The following PEAK1 variants were observed in gnomAD, a reference collection of about 807,000 sequenced individuals.
The protein encoded by PEAK1 is pseudopodium enriched atypical kinase 1.
A neutral mutation model predicts 124.7 loss-of-function variants in PEAK1; 54 were observed. The observed-to-expected ratio is 0.43, with a 90% CI of 0.35 to 0.54. PEAK1 has a LOEUF of 0.54. PEAK1 is among the 20% of genes least tolerant of loss of function. PEAK1 has a pLI of 0.01. For missense variants in PEAK1, 2,046 were observed against 2,134.5 expected (o/e 0.96, Z 0.82); for synonymous variants, 719 against 760.0 (o/e 0.95, Z 0.89).
At position 77,111,385 on chromosome 15, in the gene PEAK1, C is replaced by A. The variant is rs1375325622; in HGVS notation, c.*2771G>T. On this transcript the variant is annotated 3_prime_UTR_variant, in exon 10 of 10. Transcript: ENST00000682557. ...TTTTTTTGGAAAAATATTCTGAAGA[C>A]CAACTCATGTAGTACTTTTTGCCTA... is the stretch of plus-strand genomic sequence containing the variant. 6.6e-6 allele frequency: 1 copy of A among 152,114 alleles called. No individual in the cohort carries two copies. The allele number at this position is 152,114 out of a possible 1,614,324, so 9.4% of individuals were successfully genotyped here.
chr15:77,418,259 T>C, intron 1 of PEAK1: 1 of 985,398 alleles, frequency 1.0e-6, no homozygotes, highest in Non-Finnish European at 1.2e-6. Context: ...ACATAAATTT[T>C]AGCCTCTAAG....
At chr15:77,396,624 T>G (rs950783388) in intron 1 of PEAK1, among the ~76,000 whole-genome samples, 4 of 151,836 alleles carry the variant, frequency 2.6e-5, no homozygotes, top group Admixed American at 2.0e-4. Context: ...AGAGCAGGGG[T>G]AGCTATACTT....
chr15:77,176,331 A>G (rs182422351), intron 7 of PEAK1, among the ~76,000 whole-genome samples: 23 of 152,012 alleles, frequency 1.5e-4, no homozygotes, highest in East Asian at 3.9e-4. Context: ...TCAAAAAAAA[A>G]AGAAAAGTTT....
chr15:77,305,632 T>C (rs951713803), intron 2 of PEAK1, among the ~76,000 whole-genome samples: 3 of 152,006 alleles, frequency 2.0e-5, no homozygotes, highest in African/African-American at 4.8e-5. Flanking sequence ...AGAGAATGAG[T>C]AGGACATGGG....
intron 6 of PEAK1, among the ~76,000 whole-genome samples, chr15:77,219,539 T>C (rs1380522206): frequency 1.3e-5 from 2 of 152,112 alleles, no homozygotes; most frequent in East Asian, 1.9e-4. Flanking sequence ...GATATACCTA[T>C]ATAGGTGCTA....
chr15:77,356,985 G>A (rs1267137415), intron 2 of PEAK1, among the ~76,000 whole-genome samples: 3 of 152,192 alleles, frequency 2.0e-5, no homozygotes, highest in Non-Finnish European at 4.4e-5. Flanking sequence ...GCAAAAAGTA[G>A]GCTAGGTCCA....
intron 2 of PEAK1, among the ~76,000 whole-genome samples, chr15:77,327,442 C>G (rs2065644327): frequency 6.6e-6 from 1 of 152,032 alleles, no homozygotes; most frequent in African/African-American, 2.4e-5. Context: ...CTAATGTATT[C>G]TAAACATCTG....
chr15:77,292,009 T>C (rs952869508), intron 2 of PEAK1, among the ~76,000 whole-genome samples: 2 of 151,836 alleles, frequency 1.3e-5, no homozygotes, highest in African/African-American at 4.8e-5. Context: ...TATATATTTC[T>C]TGTGATCACA....
intron 1 of PEAK1, among the ~76,000 whole-genome samples, chr15:77,396,446 C>T (rs546416243): frequency 1.2e-4 from 18 of 151,838 alleles, no homozygotes; most frequent in Middle Eastern, 3.4e-3. Flanking sequence ...AGTAAATGAA[C>T]GAAACTCTCC....
intron 1 of PEAK1, among the ~76,000 whole-genome samples, chr15:77,405,113 C>G (rs1302754587): frequency 6.6e-6 from 1 of 151,770 alleles, no homozygotes; most frequent in Non-Finnish European, 1.5e-5. Context: ...TCAAGCGATT[C>G]CCCTGCCTCA....
At chr15:77,414,377 T>G (rs2072702333) in intron 1 of PEAK1, among the ~76,000 whole-genome samples, 1 of 150,226 alleles carries the variant, frequency 6.7e-6, no homozygotes, top group Non-Finnish European at 1.5e-5. Flanking sequence ...GCCTAGCTAA[T>G]TTTTTGTATT....
intron 2 of PEAK1, among the ~76,000 whole-genome samples, chr15:77,351,232 T>A (rs991087676): frequency 1.5e-4 from 23 of 152,158 alleles, no homozygotes; most frequent in Admixed American, 5.9e-4. Context: ...AAAGGGTCAG[T>A]ATAAGTTTGT....
At chr15:77,253,249 G>GGA (rs1555457270) in intron 5 of PEAK1, among the ~76,000 whole-genome samples, 7 of 148,342 alleles carry the variant, frequency 4.7e-5, no homozygotes, top group Non-Finnish European at 1.0e-4. Context: ...ATGCGTTGGG[G>GGA]GGGGGGTGGT....
chr15:77,258,208 C>T (rs201732151), intron 5 of PEAK1, among the ~76,000 whole-genome samples: 26 of 152,246 alleles, frequency 1.7e-4, no homozygotes, highest in South Asian at 1.5e-3. Context: ...CTTGGCAATG[C>T]GGGCTCTTTT....
chr15:77,362,337 T>C (rs2067944448), intron 2 of PEAK1, among the ~76,000 whole-genome samples: 1 of 152,114 alleles, frequency 6.6e-6, no homozygotes, highest in Non-Finnish European at 1.5e-5. Flanking sequence ...ACAATTATTA[T>C]TGTCAATTAA....
At chr15:77,189,373 T>C (rs1477497598) in intron 6 of PEAK1, among the ~76,000 whole-genome samples, 1 of 152,146 alleles carries the variant, frequency 6.6e-6, no homozygotes, top group African/African-American at 2.4e-5. Flanking sequence ...GCATAAATGG[T>C]ATAGCTTCAT....
At chr15:77,291,841 TTGG>T (rs1440722212) in intron 2 of PEAK1, among the ~76,000 whole-genome samples, 2 of 151,774 alleles carry the variant, frequency 1.3e-5, no homozygotes, top group African/African-American at 4.8e-5. Context: ...GCCCGGCATG[TTGG>T]TGGGTGCCTG....
intron 9 of PEAK1, among the ~76,000 whole-genome samples, chr15:77,117,854 T>C (rs1400780194): frequency 6.6e-6 from 1 of 152,230 alleles, no homozygotes; most frequent in East Asian, 1.9e-4. Flanking sequence ...GTGACTCGTA[T>C]TTTAATTGTG....
At chr15:77,226,071 A>ATATATATATATATATATAT (rs2059654025) in intron 6 of PEAK1, among the ~76,000 whole-genome samples, 2 of 137,200 alleles carry the variant, frequency 1.5e-5, no homozygotes, top group Non-Finnish European at 3.2e-5. Context: ...ATATATATAT[A>ATATATATATATATATATAT]TATATATATA....
Sources: gnomAD v4.1 joint callset for allele counts (sites outside exome capture counted in the v4.1 genomes callset) on GRCh38, gnomAD v4.1.1 for gene constraint, MANE v1.5 for transcripts, NCBI Gene and HGNC (gene_info 2026-07-23, HGNC 2026-07-21) for gene names.